The following CDK5RAP2 variants were observed in gnomAD, a reference collection of about 807,000 sequenced individuals.
The protein encoded by CDK5RAP2 is CDK5 regulatory subunit associated protein 2.
A neutral mutation model predicts 232.9 loss-of-function variants in CDK5RAP2; 147 were observed. The ratio of observed to expected loss-of-function variants is 0.63; its 90% CI spans 0.55 to 0.72. The LOEUF is 0.72. Among genes scored for constraint, CDK5RAP2 ranks in the 30% least tolerant of loss-of-function variants. The pLI, the probability that CDK5RAP2 is intolerant of heterozygous loss-of-function variation, is 0.00. For missense variants in CDK5RAP2, 2,195 were observed against 2,231.5 expected (o/e 0.98, Z 0.33); for synonymous variants, 833 against 833.7 (o/e 1.00, Z 0.01).
intron 12 of CDK5RAP2, among the ~76,000 whole-genome samples, chr9:120,493,871 C>T (rs1308978031): frequency 1.3e-5 from 2 of 152,116 alleles, no homozygotes; most frequent in African/African-American, 4.8e-5. Context: ...GCAGGCAGAT[C>T]GCTTGAGGTC....
intron 3 of CDK5RAP2, among the ~76,000 whole-genome samples, chr9:120,556,587 C>A (rs1411265310): frequency 1.3e-5 from 2 of 151,960 alleles, no homozygotes; most frequent in Admixed American, 6.6e-5. Flanking sequence ...TGTCACCACG[C>A]CCATCTAATT....
chr9:120,528,051 G>A (rs1588575567), intron 9 of CDK5RAP2, 126 bp from the exon 10 acceptor site: 1 of 1,308,598 alleles, frequency 7.6e-7, no homozygotes, highest in South Asian at 1.2e-5. Context: ...TGTGATTAAT[G>A]TTTCCAAGTG....
intron 6 of CDK5RAP2, 43 bp downstream of exon 6, chr9:120,538,998 C>G (rs1299467529): frequency 3.1e-6 from 5 of 1,605,674 alleles, no homozygotes; most frequent in Non-Finnish European, 4.3e-6. Context: ...CTATTATTAA[C>G]CCACTATAAG....
chr9:120,562,506 G>A (rs181593889), intron 3 of CDK5RAP2, among the ~76,000 whole-genome samples: 5 of 152,180 alleles, frequency 3.3e-5, no homozygotes, highest in South Asian at 2.1e-4. Context: ...ACAGAGCTCC[G>A]TGGAAAGTGG....
At chr9:120,431,765 G>T (rs1029310072) in intron 25 of CDK5RAP2, among the ~76,000 whole-genome samples, 2 of 152,182 alleles carry the variant, frequency 1.3e-5, no homozygotes, top group African/African-American at 4.8e-5. Flanking sequence ...ACCTTTCCCA[G>T]TGTCAAACAC....
At chr9:120,503,303 TG>T (rs1372951728) in intron 12 of CDK5RAP2, among the ~76,000 whole-genome samples, 2 of 152,194 alleles carry the variant, frequency 1.3e-5, no homozygotes, top group Non-Finnish European at 2.9e-5. Context: ...CAACCTCATA[TG>T]AAGAGCAGTC....
At chr9:120,547,751 T>C (rs1485475402) in intron 4 of CDK5RAP2, among the ~76,000 whole-genome samples, 2 of 152,028 alleles carry the variant, frequency 1.3e-5, no homozygotes, top group Non-Finnish European at 2.9e-5. Flanking sequence ...CAAAAGGACA[T>C]AGGTTTAAAT....
rs145025185 is a variant in CDK5RAP2 at position 120,477,009 on chromosome 9, A to G, written c.1727+341T>C. 2.0e-3 allele frequency among the ~76,000 whole-genome samples: 312 copies of G among 152,342 alleles called. 4 individuals carry two copies. Among genetic ancestry groups the G allele is most frequent in the Admixed American group, 0.018 (279 of 15,306 alleles). ...TTATAGAAAACACAGGGATAGCATT[A>G]TTATTACTTCACAGAAAGGCTGTGA... On this transcript the variant is annotated intron_variant, in intron 15 of 37. Coordinates refer to ENST00000349780, the MANE Select transcript of CDK5RAP2 (RefSeq NM_018249.6).
At chr9:120,555,614 C>A (rs777647251) in intron 3 of CDK5RAP2, among the ~76,000 whole-genome samples, 6 of 152,112 alleles carry the variant, frequency 3.9e-5, no homozygotes, top group Non-Finnish European at 8.8e-5. Flanking sequence ...GATGCGAATG[C>A]AAAATGGCAC....
At chr9:120,496,962 A>C (rs1460493132) in intron 12 of CDK5RAP2, among the ~76,000 whole-genome samples, 1 of 139,776 alleles carries the variant, frequency 7.2e-6, no homozygotes, top group Non-Finnish European at 1.5e-5. Context: ...GCTTTGTGGA[A>C]TGGAAAGGCG....
chr9:120,498,512 A>G (rs2039423590), intron 12 of CDK5RAP2, among the ~76,000 whole-genome samples: 1 of 152,194 alleles, frequency 6.6e-6, no homozygotes, highest in South Asian at 2.1e-4. Context: ...CCTGAACCCG[A>G]AAAGGGTCAC....
At chr9:120,510,010 T>C (rs1236949223) in intron 12 of CDK5RAP2, among the ~76,000 whole-genome samples, 1 of 152,040 alleles carries the variant, frequency 6.6e-6, no homozygotes, top group Non-Finnish European at 1.5e-5. Flanking sequence ...CTTTGGCCAT[T>C]AGTAAAAAAT....
intron 16 of CDK5RAP2, among the ~76,000 whole-genome samples, chr9:120,470,736 C>A (rs1215986595): frequency 6.7e-6 from 1 of 148,658 alleles, no homozygotes; most frequent in Non-Finnish European, 1.5e-5. Flanking sequence ...CTAGAAGAAT[C>A]TCTGGTCACC....
chr9:120,481,792 C>T (rs1222450031), intron 14 of CDK5RAP2, among the ~76,000 whole-genome samples: 1 of 152,106 alleles, frequency 6.6e-6, no homozygotes, highest in East Asian at 1.9e-4. Flanking sequence ...GGATTACAGG[C>T]GTGAGCCACC....
intron 19 of CDK5RAP2, among the ~76,000 whole-genome samples, chr9:120,460,328 A>C (rs1424191982): frequency 6.6e-6 from 1 of 152,240 alleles, no homozygotes; most frequent in Admixed American, 6.5e-5. Flanking sequence ...CTGCTATTCT[A>C]CTATAACAAG....
chr9:120,408,254 G>A (rs1214259890), intron 31 of CDK5RAP2, 93 bp downstream of exon 31: 6 of 1,473,366 alleles, frequency 4.1e-6, no homozygotes, highest in Admixed American at 1.7e-5. Flanking sequence ...GAGTGGAGAG[G>A]GCTGAGCTCT....
At chr9:120,529,933 C>T in intron 8 of CDK5RAP2, 45 bp downstream of exon 8, 1 of 1,588,774 alleles carries the variant, frequency 6.3e-7, no homozygotes, top group Non-Finnish European at 8.6e-7. Flanking sequence ...ACAGAGGAGT[C>T]TGGTTGGCTA....
intron 32 of CDK5RAP2, among the ~76,000 whole-genome samples, chr9:120,405,222 G>A (rs1266490329): frequency 6.6e-6 from 1 of 152,222 alleles, no homozygotes; most frequent in Non-Finnish European, 1.5e-5. Context: ...TTTTAAAACA[G>A]ATGCACTTAA....
chr9:120,426,783 C>A (rs1195007326), intron 25 of CDK5RAP2, among the ~76,000 whole-genome samples: 1 of 152,162 alleles, frequency 6.6e-6, no homozygotes, highest in African/African-American at 2.4e-5. Context: ...ACTTTGATTT[C>A]TTTCAGAGCC....
Sources: allele counts gnomAD v4.1 joint callset (sites outside exome capture counted in the v4.1 genomes callset), GRCh38; gene constraint gnomAD v4.1.1; transcripts MANE v1.5; gene names NCBI Gene and HGNC (gene_info 2026-07-23, HGNC 2026-07-21).